Variants in LPAR3 observed in about 807,000 individuals in gnomAD.
LPAR3 encodes lysophosphatidic acid receptor 3.
LPAR3 carries 7 observed loss-of-function variants against 17.8 expected under a neutral mutation model. The ratio of observed to expected loss-of-function variants is 0.39; its 90% CI spans 0.22 to 0.74. The LOEUF (loss-of-function observed/expected upper bound fraction) is 0.74. Ranked by LOEUF, LPAR3 falls within the 30% of genes least tolerant of loss-of-function variation. The pLI, the probability that LPAR3 is intolerant of heterozygous loss-of-function variation, is 0.40. For missense variants in LPAR3, 391 were observed against 453.4 expected, an observed-to-expected ratio of 0.86 and a Z score of 1.25; for synonymous variants, 179 against 179.9, an observed-to-expected ratio of 0.99 and a Z score of 0.04.
chr1:84,865,672 A>C lies in LPAR3; in HGVS notation c.449T>G (p.Leu150Trp), dbSNP rs745424639. The C allele has an allele frequency of 6.2e-7, 1 of 1,614,246 alleles. No homozygotes were observed. Among genetic ancestry groups the C allele is most frequent in the South Asian group, 1.1e-5 (1 of 91,086 alleles). ...AAAAATGGCGATGGCCCAGACAAGCAAAATGAGCAGTGTCACCCTCTTTTT... is the reference window on the plus strand; with the variant it reads ...AAAAATGGCGATGGCCCAGACAAGCCAAATGAGCAGTGTCACCCTCTTTTT... ...LTKKRVTLLI[L>W]LVWAIAIFMG... Residue 150 changes from leucine to tryptophan, a missense_variant, in exon 2 of 3, where the codon TTG becomes TGG. Physicochemically the swap from Leu to Trp is moderately conservative, Grantham distance 61 (BLOSUM62 -2). Coordinates refer to ENST00000370611, the MANE Select transcript of LPAR3 (RefSeq NM_012152.3).
In LPAR3 at chr1:84,826,338, C is replaced by T. The variant is rs541203381; in HGVS notation, c.737-12167G>A. ...CAACAAGAACTTTCAGCTTTTAGGT[C>T]ACAAATACTCTGGGAATACTATAGG... On this transcript the variant is annotated intron_variant, in intron 2 of 2. Coordinates refer to ENST00000370611, the MANE Select transcript of LPAR3 (RefSeq NM_012152.3). 2.0e-5 allele frequency among the ~76,000 whole-genome samples: 3 copies of T among 151,988 alleles called. No homozygotes were observed. The East Asian group carries it at 5.8e-4, about 29-fold the overall frequency.
At chr1:84,846,819 T>C (rs1659602029) in intron 2 of LPAR3, among the ~76,000 whole-genome samples, 2 of 152,006 alleles carry the variant, frequency 1.3e-5, no homozygotes, top group South Asian at 4.2e-4. Flanking sequence ...AACAAGACAA[T>C]GACAAAAAAT....
chr1:84,814,276 A>G, intron 2 of LPAR3, 105 bp from the exon 3 acceptor site: 1 of 916,990 alleles, frequency 1.1e-6, no homozygotes, highest in Non-Finnish European at 1.6e-6. Flanking sequence ...GGCCCTCATG[A>G]TTTGTTTTGA....
intron 2 of LPAR3, among the ~76,000 whole-genome samples, chr1:84,865,025 T>C (rs1161721023): frequency 6.6e-6 from 1 of 152,046 alleles, no homozygotes; most frequent in Admixed American, 6.6e-5. Context: ...CTGACTGCCT[T>C]CACACCTCTG....
chr1:84,826,945 G>A (rs555689105), intron 2 of LPAR3, among the ~76,000 whole-genome samples: 2 of 152,078 alleles, frequency 1.3e-5, no homozygotes, highest in East Asian at 3.9e-4. Flanking sequence ...AGATTTCTAC[G>A]GCAAGAAACA....
intron 2 of LPAR3, 61 bp downstream of exon 2, chr1:84,865,324 T>G: frequency 6.6e-7 from 1 of 1,515,522 alleles, no homozygotes; most frequent in East Asian, 2.3e-5. Context: ...ACACCACAGA[T>G]GCTCCGTAAA....
intron 2 of LPAR3, among the ~76,000 whole-genome samples, chr1:84,841,769 T>G (rs1214951112): frequency 6.6e-6 from 1 of 152,118 alleles, no homozygotes; most frequent in Non-Finnish European, 1.5e-5. Context: ...CTGACCAAAA[T>G]TGTTAGCTTC....
At chr1:84,873,758 GTTTT>G (rs5775802) in intron 1 of LPAR3, among the ~76,000 whole-genome samples, 4 of 141,472 alleles carry the variant, frequency 2.8e-5, no homozygotes, top group Non-Finnish European at 4.6e-5. Flanking sequence ...TTGCTTGTTT[GTTTT>G]TTTTTTTTGA....
intron 1 of LPAR3, among the ~76,000 whole-genome samples, chr1:84,885,482 A>G (rs1483381316): frequency 6.6e-6 from 1 of 152,212 alleles, no homozygotes; most frequent in African/African-American, 2.4e-5. Context: ...ATCTAATGAG[A>G]CTTTAAAATA....
intron 2 of LPAR3, among the ~76,000 whole-genome samples, chr1:84,823,505 T>C (rs878896735): frequency 3.9e-5 from 6 of 152,240 alleles, no homozygotes; most frequent in African/African-American, 1.2e-4. Flanking sequence ...CTATCGTTAC[T>C]AGTGTTGGGT....
At chr1:84,876,419 G>A (rs964716365) in intron 1 of LPAR3, among the ~76,000 whole-genome samples, 1 of 152,158 alleles carries the variant, frequency 6.6e-6, no homozygotes, top group Non-Finnish European at 1.5e-5. Context: ...AAGGCAGGGA[G>A]GATGAGGTTG....
At chr1:84,819,713 T>C (rs1401640279) in intron 2 of LPAR3, among the ~76,000 whole-genome samples, 1 of 152,036 alleles carries the variant, frequency 6.6e-6, no homozygotes. Context: ...ATACAAAGAG[T>C]GGCAGCAAAA....
intron 1 of LPAR3, among the ~76,000 whole-genome samples, chr1:84,875,391 T>C (rs1416560717): frequency 2.6e-5 from 4 of 152,234 alleles, no homozygotes; most frequent in African/African-American, 9.6e-5. Flanking sequence ...AGTGCAGCAG[T>C]GCTGAGAGGT....
At chr1:84,876,712 C>A (rs553798431) in intron 1 of LPAR3, among the ~76,000 whole-genome samples, 1 of 152,312 alleles carries the variant, frequency 6.6e-6, no homozygotes, top group Admixed American at 6.5e-5. Context: ...CTACAGTTGT[C>A]TTTCAAAGTA....
At chr1:84,819,149 T>A (rs958504591) in intron 2 of LPAR3, among the ~76,000 whole-genome samples, 2 of 152,228 alleles carry the variant, frequency 1.3e-5, no homozygotes, top group African/African-American at 4.8e-5. Flanking sequence ...AATTATACAA[T>A]TTCATATAGA....
intron 2 of LPAR3, among the ~76,000 whole-genome samples, chr1:84,843,115 G>C (rs1437496136): frequency 1.3e-5 from 2 of 152,226 alleles, no homozygotes; most frequent in Non-Finnish European, 2.9e-5. Flanking sequence ...GGTGGGGACA[G>C]GGCTGAGCCA....
rs552856057 is a variant in LPAR3, at chr1:84,856,546, CT to C, written c.736+8838del. Among the ~76,000 whole-genome samples the C allele has an allele frequency of 6.5e-3, 978 of 151,380 alleles. 7 individuals are homozygous for C. The highest frequency in any genetic ancestry group is 0.024 in the Middle Eastern group (7 of 294). On this transcript the variant is annotated intron_variant, in intron 2 of 2. Transcript: ENST00000370611. The stretch of plus-strand genomic sequence containing the variant: ...TTCCTCACGAACTTAGGCACATGTA[CT>C]TTTTTTTTCTCTCTCTCTCTTTTTT...
chr1:84,854,806 C>T (rs891820765), intron 2 of LPAR3, among the ~76,000 whole-genome samples: 1 of 152,248 alleles, frequency 6.6e-6, no homozygotes. Flanking sequence ...GTCACTCAGG[C>T]ATCCAAGGAC....
chr1:84,820,026 T>C (rs1200789065), intron 2 of LPAR3, among the ~76,000 whole-genome samples: 4 of 152,162 alleles, frequency 2.6e-5, no homozygotes, highest in Admixed American at 6.5e-5. Flanking sequence ...TACATGCACT[T>C]CCCCTGTAAA....
Sources: allele counts gnomAD v4.1 joint callset (sites outside exome capture counted in the v4.1 genomes callset), GRCh38; gene constraint gnomAD v4.1.1; transcripts MANE v1.5; gene names NCBI Gene and HGNC (gene_info 2026-07-23, HGNC 2026-07-21).